CLIC4: variants seen among roughly 807,000 people sequenced by gnomAD.
CLIC4 encodes CLIC family member 4.
In CLIC4, 13 loss-of-function variants were observed where a neutral mutation model predicts 24.6. The ratio of observed to expected loss-of-function variants is 0.53; its 90% CI spans 0.34 to 0.84. The LOEUF (loss-of-function observed/expected upper bound fraction) is 0.84, where lower values mean the gene tolerates loss of function less well. CLIC4 is among the 40% of genes least tolerant of loss of function. The pLI is 0.01. For missense variants in CLIC4, 227 were observed against 301.7 expected (o/e 0.75, Z 1.83); for synonymous variants, 104 against 111.3 (o/e 0.93, Z 0.41).
Position 24,837,071 on chromosome 1 carries a change from A to G in CLIC4, c.416-2789A>G, listed in dbSNP as rs538269292. Among the ~76,000 whole-genome samples the G allele has an allele frequency of 1.4e-3, 211 of 152,336 alleles. 1 individual carries two copies. The highest frequency in any genetic ancestry group is 6.8e-3 in the Middle Eastern group (2 of 294). Reference sequence around the variant, plus strand: ...GGTGAAGTAAAAGTTTAGAAATACTAAAGAGCAGAATATAAGGAAGTAGAA... The same window carrying G: ...GGTGAAGTAAAAGTTTAGAAATACTGAAGAGCAGAATATAAGGAAGTAGAA... On this transcript the variant is annotated intron_variant, in intron 4 of 5. Transcript: ENST00000374379.
At chr1:24,792,124 A>G (rs1203587502) in intron 1 of CLIC4, among the ~76,000 whole-genome samples, 1 of 150,916 alleles carries the variant, frequency 6.6e-6, no homozygotes, top group Non-Finnish European at 1.5e-5. Flanking sequence ...ATACATATAT[A>G]TGTGCATGTG....
chr1:24,818,212 A>G (rs1472118839), intron 3 of CLIC4, among the ~76,000 whole-genome samples: 1 of 152,222 alleles, frequency 6.6e-6, no homozygotes, highest in African/African-American at 2.4e-5. Flanking sequence ...TGCAAAGCAC[A>G]ATGAAGCAAA....
At chr1:24,804,379 C>T (rs1639523264) in intron 2 of CLIC4, among the ~76,000 whole-genome samples, 1 of 111,796 alleles carries the variant, frequency 8.9e-6, no homozygotes, top group Non-Finnish European at 1.8e-5. Flanking sequence ...TATGTGTGTG[C>T]ATGTGTGTGG....
intron 1 of CLIC4, among the ~76,000 whole-genome samples, chr1:24,759,206 A>G (rs970278412): frequency 2.6e-5 from 4 of 152,228 alleles, no homozygotes; most frequent in African/African-American, 7.2e-5. Flanking sequence ...AATAGGTAAG[A>G]TATGTCCATT....
At chr1:24,839,753 G>A (rs1639922700) in intron 4 of CLIC4, 107 bp from the exon 5 acceptor site, 1 of 973,510 alleles carries the variant, frequency 1.0e-6, no homozygotes, top group South Asian at 1.8e-5. Context: ...CCTTGTTTCA[G>A]AGTAAACATT....
intron 2 of CLIC4, among the ~76,000 whole-genome samples, chr1:24,805,936 C>G (rs892003088): frequency 1.3e-5 from 2 of 152,062 alleles, no homozygotes; most frequent in Non-Finnish European, 2.9e-5. Context: ...AAATGGGAAA[C>G]AACAGAATAA....
chr1:24,751,839 G>A (rs1436960950), intron 1 of CLIC4, among the ~76,000 whole-genome samples: 1 of 152,214 alleles, frequency 6.6e-6, no homozygotes, highest in African/African-American at 2.4e-5. Context: ...ACTCCAGCCT[G>A]AGGGACAAGA....
chr1:24,796,849 G>C (rs1184797574), intron 1 of CLIC4, among the ~76,000 whole-genome samples: 1 of 152,064 alleles, frequency 6.6e-6, no homozygotes, highest in Non-Finnish European at 1.5e-5. Context: ...ATTGCTAGTG[G>C]CTACCATATT....
chr1:24,746,149 G>C (rs1261005554), intron 1 of CLIC4, among the ~76,000 whole-genome samples: 1 of 152,210 alleles, frequency 6.6e-6, no homozygotes, highest in African/African-American at 2.4e-5. Context: ...TTTAATTTTC[G>C]ATGCAATCTT....
chr1:24,827,248 A>G, intron 4 of CLIC4, 132 bp downstream of exon 4: 1 of 588,992 alleles, frequency 1.7e-6, no homozygotes, highest in Non-Finnish European at 3.0e-6. Context: ...ACTGTCTTTC[A>G]GAGTTGGTCA....
intron 1 of CLIC4, chr1:24,771,850 C>T (rs7548438): frequency 0.64 from 327,037 of 511,110 alleles, 107,829 homozygotes; most frequent in Non-Finnish European, 0.71. Flanking sequence ...GGTTCAAGTC[C>T]TATGTGTATC....
intron 1 of CLIC4, among the ~76,000 whole-genome samples, chr1:24,783,947 G>C (rs1639235528): frequency 6.6e-6 from 1 of 151,604 alleles, no homozygotes; most frequent in Non-Finnish European, 1.5e-5. Context: ...AGTCCAAAAG[G>C]CATCATGAGG....
At chr1:24,791,109 T>G (rs1639328661) in intron 1 of CLIC4, among the ~76,000 whole-genome samples, 1 of 152,228 alleles carries the variant, frequency 6.6e-6, no homozygotes. Context: ...CTCTAGTGTT[T>G]CAGTTTTTAT....
intron 1 of CLIC4, among the ~76,000 whole-genome samples, chr1:24,753,247 AG>A (rs1214492734): frequency 6.6e-6 from 1 of 152,192 alleles, no homozygotes; most frequent in Non-Finnish European, 1.5e-5. Flanking sequence ...ATGATCACAA[AG>A]GTCTCTTCTA....
At position 24,811,990 on chromosome 1, in the gene CLIC4, A is replaced by G. The variant is rs189945623; in HGVS notation, c.183-2104A>G. On this transcript the variant is annotated intron_variant, in intron 2 of 5. Coordinates refer to ENST00000374379, the MANE Select transcript of CLIC4 (RefSeq NM_013943.3). ...GCATAACAGTTTCACCATCTTTATC[A>G]GTGTTTTGTGGTGTTTTCAATTTTT... Among the ~76,000 whole-genome samples the G allele has an allele frequency of 6.7e-4, 102 of 152,256 alleles. 2 individuals are homozygous for G. The highest frequency in any genetic ancestry group is 6.5e-3 in the Admixed American group (99 of 15,242).
At chr1:24,803,330 A>G (rs1260493608) in intron 2 of CLIC4, among the ~76,000 whole-genome samples, 1 of 152,194 alleles carries the variant, frequency 6.6e-6, no homozygotes, top group Non-Finnish European at 1.5e-5. Context: ...GTGGAGAACA[A>G]TAGAACTCCT....
chr1:24,792,225 C>G (rs1639349624), intron 1 of CLIC4, among the ~76,000 whole-genome samples: 2 of 151,648 alleles, frequency 1.3e-5, no homozygotes, highest in African/African-American at 4.8e-5. Flanking sequence ...GAGTCTTGCT[C>G]TGTTACCCAG....
chr1:24,830,950 TTG>T (rs1639834015), intron 4 of CLIC4, among the ~76,000 whole-genome samples: 2 of 152,238 alleles, frequency 1.3e-5, no homozygotes, highest in Non-Finnish European at 2.9e-5. Flanking sequence ...GAAAACTGTA[TTG>T]TGTTTATTGA....
At chr1:24,800,915 G>GAC (rs67043618) in intron 2 of CLIC4, among the ~76,000 whole-genome samples, 145,715 of 149,590 alleles carry the variant, frequency 0.97, 71,058 homozygotes, top group East Asian at 1. Flanking sequence ...AGTAATCAGG[G>GAC]ACAAACACTG....
Sources: allele counts gnomAD v4.1 joint callset (sites outside exome capture counted in the v4.1 genomes callset), GRCh38; gene constraint gnomAD v4.1.1; transcripts MANE v1.5; gene names NCBI Gene and HGNC (gene_info 2026-07-23, HGNC 2026-07-21).